The following GPAT4 variants were observed in gnomAD, a reference collection of about 807,000 sequenced individuals.
The protein encoded by GPAT4 is glycerol-3-phosphate acyltransferase 4.
A neutral mutation model predicts 58.0 loss-of-function variants in GPAT4; 17 were observed. That is an observed-to-expected ratio of 0.29 (90% CI 0.20 to 0.44). The LOEUF is 0.44. Among genes scored for constraint, GPAT4 ranks in the 20% least tolerant of loss-of-function variants. The pLI is 1.00. For missense variants in GPAT4, 377 were observed against 574.5 expected (o/e 0.66, Z 3.51); for synonymous variants, 204 against 210.1 (o/e 0.97, Z 0.25).
chr8:41,610,836 C>T (rs768052009), intron 5 of GPAT4, 26 bp downstream of exon 5: 33 of 1,578,500 alleles, frequency 2.1e-5, no homozygotes, highest in Non-Finnish European at 2.8e-5. Context: ...CAGTCCATGC[C>T]TGAAGGACAG....
At chr8:41,618,501 T>A (rs1803657535) in intron 10 of GPAT4, 183 bp from the exon 11 acceptor site, 2 of 727,906 alleles carry the variant, frequency 2.7e-6, no homozygotes, top group Non-Finnish European at 2.3e-6. Flanking sequence ...TCGGGGGAGA[T>A]CAGTGTTGCT....
At chr8:41,612,074 A>C (rs1803461638) in intron 6 of GPAT4, 82 bp downstream of exon 6, 1 of 1,587,558 alleles carries the variant, frequency 6.3e-7, no homozygotes, top group Non-Finnish European at 8.6e-7. Flanking sequence ...ATGGGAAGAC[A>C]CTTCTGAGCT....
chr8:41,605,436 A>C (rs2354576), intron 2 of GPAT4, among the ~76,000 whole-genome samples: 84,445 of 152,126 alleles, frequency 0.56, 24,050 homozygotes, highest in Middle Eastern at 0.71. Context: ...AAAAGGTAAT[A>C]TTGTTTAGAG....
At position 41,609,694 on chromosome 8, in the gene GPAT4, TC is replaced by T. The variant is rs1803385146; in HGVS notation, c.276del (p.Glu94ArgfsTer38). ...GATCCCACTTCACTAGAAGAAGAGA[TC>T]AAAGAGATTCGTCGAAGTGGTAGTA... ...AKDPTSLEEE[I>X]KEIRRSGSSK... is the part of the protein sequence containing the mutation. On this transcript the variant is annotated frameshift_variant, in exon 4 of 13. Transcript: ENST00000396987. LOFTEE classifies it high-confidence loss of function. 1 of 1,613,718 alleles carries T rather than the reference TC, an allele frequency of 6.2e-7. No individual in the cohort carries two copies. Among genetic ancestry groups the T allele is most frequent in the Admixed American group, 1.7e-5 (1 of 59,948 alleles).
intron 10 of GPAT4, among the ~76,000 whole-genome samples, chr8:41,617,320 C>T (rs900325466): frequency 3.3e-5 from 5 of 152,012 alleles, no homozygotes; most frequent in Non-Finnish European, 7.4e-5. Flanking sequence ...GCCGAGATAG[C>T]GCCACAGCAC....
chr8:41,582,474 CACAT>C (rs779597829), intron 1 of GPAT4, among the ~76,000 whole-genome samples: 8,324 of 115,954 alleles, frequency 0.072, 261 homozygotes, highest in Middle Eastern at 0.093. Context: ...CACACACACA[CACAT>C]CTTTCTTTCT....
At chr8:41,612,654 A>G in intron 7 of GPAT4, 191 bp from the exon 8 acceptor site, 1 of 582,272 alleles carries the variant, frequency 1.7e-6, no homozygotes, top group Non-Finnish European at 3.1e-6. Context: ...TTCTAGTATT[A>G]CTGATTAAAA....
intron 2 of GPAT4, among the ~76,000 whole-genome samples, chr8:41,606,958 C>G (rs966518960): frequency 2.0e-5 from 3 of 152,214 alleles, no homozygotes; most frequent in Middle Eastern, 3.2e-3. Flanking sequence ...TCTACAGATG[C>G]AAATTCCTCC....
chr8:41,597,115 G>T (rs189073768), intron 1 of GPAT4, among the ~76,000 whole-genome samples: 1 of 152,240 alleles, frequency 6.6e-6, no homozygotes. Context: ...CCCATGGCAC[G>T]ATGCTGGGCT....
At chr8:41,587,605 A>G (rs1196630834) in intron 1 of GPAT4, among the ~76,000 whole-genome samples, 1 of 152,162 alleles carries the variant, frequency 6.6e-6, no homozygotes, top group Non-Finnish European at 1.5e-5. Context: ...TGTGCATTGT[A>G]AGATGTGCAG....
At chr8:41,612,029 G>A (rs764458232) in intron 6 of GPAT4, 37 bp downstream of exon 6, 13 of 1,609,186 alleles carry the variant, frequency 8.1e-6, no homozygotes, top group African/African-American at 2.7e-5. Flanking sequence ...GGGAGATGGC[G>A]CTGCAGGAAA....
At chr8:41,610,527 C>T in intron 4 of GPAT4, 1 of 1,443,680 alleles carries the variant, frequency 6.9e-7, no homozygotes. Flanking sequence ...CAGCTGAGAG[C>T]CAGACCCATG....
intron 6 of GPAT4, 66 bp downstream of exon 6, chr8:41,612,058 A>G: frequency 6.3e-7 from 1 of 1,596,200 alleles, no homozygotes; most frequent in Non-Finnish European, 8.6e-7. Context: ...ACCTATACTT[A>G]GCCAAATGGG....
intron 2 of GPAT4, among the ~76,000 whole-genome samples, chr8:41,608,460 C>T (rs1803345805): frequency 6.6e-6 from 1 of 152,214 alleles, no homozygotes; most frequent in Non-Finnish European, 1.5e-5. Flanking sequence ...ATACCATATC[C>T]AAGGGGGGAT....
intron 10 of GPAT4, among the ~76,000 whole-genome samples, chr8:41,616,397 G>C (rs910244302): frequency 6.6e-6 from 1 of 152,168 alleles, no homozygotes; most frequent in Non-Finnish European, 1.5e-5. Context: ...CCACATTTAG[G>C]TGATTCTTGT....
chr8:41,588,322 G>T (rs1489555898), intron 1 of GPAT4, among the ~76,000 whole-genome samples: 3 of 152,118 alleles, frequency 2.0e-5, no homozygotes, highest in Non-Finnish European at 4.4e-5. Flanking sequence ...TCCCTGAGTT[G>T]GGATGTGTCA....
At chr8:41,588,907 G>A (rs28650101) in intron 1 of GPAT4, among the ~76,000 whole-genome samples, 70,935 of 152,032 alleles carry the variant, frequency 0.47, 16,924 homozygotes, top group African/African-American at 0.55. Flanking sequence ...GTGGGGGAAC[G>A]TTGGCCCTGA....
At chr8:41,618,497 G>A in intron 10 of GPAT4, 187 bp from the exon 11 acceptor site, 6 of 707,782 alleles carry the variant, frequency 8.5e-6, no homozygotes, top group Non-Finnish European at 1.4e-5. Context: ...TTCCTCGGGG[G>A]AGATCAGTGT....
chr8:41,598,186 C>T (rs1376491654), intron 1 of GPAT4, 106 bp from the exon 2 acceptor site: 1 of 152,206 alleles, frequency 6.6e-6, no homozygotes, highest in Non-Finnish European at 1.5e-5. Context: ...ATTGACCACA[C>T]TGACAGTTTT....
Sources: gnomAD v4.1 joint callset for allele counts (sites outside exome capture counted in the v4.1 genomes callset) on GRCh38, gnomAD v4.1.1 for gene constraint, MANE v1.5 for transcripts, NCBI Gene and HGNC (gene_info 2026-07-23, HGNC 2026-07-21) for gene names.